The following CBFA2T2 variants were observed in gnomAD, a reference collection of about 807,000 sequenced individuals.
CBFA2T2 encodes the protein CBFA2/RUNX1 partner transcriptional co-repressor 2.
In CBFA2T2, 11 loss-of-function variants were observed where a neutral mutation model predicts 62.2. That is an observed-to-expected ratio of 0.18 (90% CI 0.11 to 0.29). The LOEUF is 0.29. Among genes scored for constraint, CBFA2T2 ranks in the 10% least tolerant of loss-of-function variants. The pLI is 1.00. For synonymous variants in CBFA2T2, 295 were observed against 287.5 expected (o/e 1.03, Z -0.27); for missense variants, 592 against 774.1 (o/e 0.76, Z 2.79).
intron 1 of CBFA2T2, among the ~76,000 whole-genome samples, chr20:33,513,016 T>G (rs1809564221): frequency 6.6e-6 from 1 of 152,134 alleles, no homozygotes; most frequent in African/African-American, 2.4e-5. Context: ...CCTCCCAAAG[T>G]GCTGGGATTA....
chr20:33,529,019 G>GT (rs1203524830), intron 1 of CBFA2T2, among the ~76,000 whole-genome samples: 9 of 151,516 alleles, frequency 5.9e-5, no homozygotes, highest in East Asian at 5.8e-4. Flanking sequence ...CAGTTTGTTT[G>GT]TTTTTTTTGT....
At chr20:33,519,639 T>C (rs1600922414) in intron 1 of CBFA2T2, among the ~76,000 whole-genome samples, 1 of 152,172 alleles carries the variant, frequency 6.6e-6, no homozygotes, top group Non-Finnish European at 1.5e-5. Flanking sequence ...GTGTATGGTA[T>C]ACACCTTGGT....
intron 3 of CBFA2T2, chr20:33,618,441 C>T (rs1486079869): frequency 2.6e-5 from 4 of 151,976 alleles, no homozygotes; most frequent in Non-Finnish European, 4.4e-5. Flanking sequence ...TTGTTCATTC[C>T]CCTTAGCAGA....
intron 8 of CBFA2T2, 84 bp downstream of exon 8, chr20:33,629,998 G>C: frequency 8.2e-7 from 1 of 1,225,518 alleles, no homozygotes; most frequent in Non-Finnish European, 1.1e-6. Flanking sequence ...TTTTCTACTT[G>C]ACTTTAAAGA....
At chr20:33,544,841 G>T in intron 1 of CBFA2T2, among the ~76,000 whole-genome samples, 1 of 152,208 alleles carries the variant, frequency 6.6e-6, no homozygotes, top group East Asian at 1.9e-4. Flanking sequence ...CACTGTGCCC[G>T]GCCTATGTGG....
At chr20:33,560,991 C>T (rs1469170633) in intron 1 of CBFA2T2, among the ~76,000 whole-genome samples, 1 of 152,158 alleles carries the variant, frequency 6.6e-6, no homozygotes, top group Non-Finnish European at 1.5e-5. Flanking sequence ...AATTCTCCTG[C>T]CTCAGCCTCC....
intron 1 of CBFA2T2, among the ~76,000 whole-genome samples, chr20:33,578,284 T>C (rs532497036): frequency 1.3e-5 from 2 of 152,208 alleles, no homozygotes; most frequent in Non-Finnish European, 2.9e-5. Context: ...AGTATTAGTT[T>C]CCTTGGTTTT....
intron 1 of CBFA2T2, among the ~76,000 whole-genome samples, chr20:33,542,142 C>T (rs1339997899): frequency 6.6e-6 from 1 of 152,176 alleles, no homozygotes; most frequent in Admixed American, 6.5e-5. Flanking sequence ...CTGATTTAGG[C>T]CTGGGAACCT....
At chr20:33,534,798 T>A (rs1219676093) in intron 1 of CBFA2T2, among the ~76,000 whole-genome samples, 2 of 148,420 alleles carry the variant, frequency 1.3e-5, no homozygotes, top group African/African-American at 2.5e-5. Flanking sequence ...ACACAGCATT[T>A]ATTGGAAGTT....
chr20:33,519,692 C>T (rs925538154), intron 1 of CBFA2T2, among the ~76,000 whole-genome samples: 4 of 152,066 alleles, frequency 2.6e-5, no homozygotes, highest in South Asian at 2.1e-4. Flanking sequence ...TGTAGGTTCA[C>T]CCCCTGGATT....
chr20:33,584,779 G>A (rs750182446), intron 1 of CBFA2T2, among the ~76,000 whole-genome samples: 2 of 152,138 alleles, frequency 1.3e-5, no homozygotes, highest in Admixed American at 6.6e-5. Flanking sequence ...TGGAGACAGA[G>A]GCAGACTTAA....
intron 1 of CBFA2T2, among the ~76,000 whole-genome samples, chr20:33,603,547 A>G (rs2015223654): frequency 6.6e-6 from 1 of 152,202 alleles, no homozygotes; most frequent in African/African-American, 2.4e-5. Flanking sequence ...CAAAACACAA[A>G]CTCATAGGGT....
intron 1 of CBFA2T2, among the ~76,000 whole-genome samples, chr20:33,580,464 A>T (rs2014061091): frequency 6.6e-6 from 1 of 152,214 alleles, no homozygotes; most frequent in Non-Finnish European, 1.5e-5. Flanking sequence ...GCCTCTTCTG[A>T]AACAAAAATA....
At chr20:33,615,498 G>A (rs1468471204) in intron 3 of CBFA2T2, among the ~76,000 whole-genome samples, 3 of 152,150 alleles carry the variant, frequency 2.0e-5, no homozygotes, top group Non-Finnish European at 2.9e-5. Context: ...AAACCCTGAG[G>A]AAAGTACAAT....
At chr20:33,518,677 C>T (rs1032596750) in intron 1 of CBFA2T2, among the ~76,000 whole-genome samples, 1 of 150,354 alleles carries the variant, frequency 6.7e-6, no homozygotes, top group Non-Finnish European at 1.5e-5. Context: ...GAGGCTGAGG[C>T]AGGAGAATCT....
intron 1 of CBFA2T2, among the ~76,000 whole-genome samples, chr20:33,499,111 A>G (rs2011238819): frequency 6.6e-6 from 1 of 152,074 alleles, no homozygotes; most frequent in Non-Finnish European, 1.5e-5. Context: ...TAAATGTTGT[A>G]TAGGTTATGT....
rs771287196 is a variant in CBFA2T2, at chr20:33,611,059, C to T, written c.179-35C>T. 127 of 1,609,862 alleles carry T rather than the reference C, an allele frequency of 7.9e-5. 1 individual carries two copies. The South Asian group carries it at 1.3e-3, about 16-fold the overall frequency. On this transcript the variant is annotated intron_variant, in intron 2 of 10. Coordinates refer to ENST00000342704, the MANE Select transcript of CBFA2T2 (RefSeq NM_001032999.3). ...TGAACAAAGGTTCCCTTGTTTTACA[C>T]GTAACCTGAGTCTTTCATTTTGGCT...
chr20:33,520,920 ACAC>A (rs2011711938), intron 1 of CBFA2T2, among the ~76,000 whole-genome samples: 2 of 151,426 alleles, frequency 1.3e-5, no homozygotes, highest in South Asian at 2.1e-4. Flanking sequence ...GCACACACAC[ACAC>A]ATTTTCACCT....
Position 33,593,151 on chromosome 20 carries a change from G to A in CBFA2T2, c.35-13805G>A, listed in dbSNP as rs376804274. Among the ~76,000 whole-genome samples the A allele has an allele frequency of 3.7e-4, 56 of 152,106 alleles. 1 individual carries two copies. Among genetic ancestry groups the A allele is most frequent in the African/African-American group, 1.3e-3 (55 of 41,544 alleles). On this transcript the variant is annotated intron_variant, in intron 1 of 10. Transcript: ENST00000342704. The stretch of plus-strand genomic sequence containing the variant: ...GTTGGAGACCAGCCTGGCCAACAAG[G>A]TGAAACCCCATCACTACTAAAAATG...
Sources: gnomAD v4.1 joint callset for allele counts (sites outside exome capture counted in the v4.1 genomes callset) on GRCh38, gnomAD v4.1.1 for gene constraint, MANE v1.5 for transcripts, NCBI Gene and HGNC (gene_info 2026-07-23, HGNC 2026-07-21) for gene names.